ZDHHC21: variants seen among roughly 807,000 people sequenced by gnomAD.
ZDHHC21 encodes the protein palmitoyltransferase ZDHHC21.
A neutral mutation model predicts 34.6 loss-of-function variants in ZDHHC21; 15 were observed. That is an observed-to-expected ratio of 0.43 (90% CI 0.29 to 0.67). The LOEUF (loss-of-function observed/expected upper bound fraction) is 0.67, where lower values mean the gene tolerates loss of function less well. Ranked by LOEUF, ZDHHC21 falls within the 30% of genes least tolerant of loss-of-function variation. The pLI, the probability that ZDHHC21 is intolerant of heterozygous loss-of-function variation, is 0.14. For missense variants in ZDHHC21, 344 were observed against 327.7 expected (o/e 1.05, Z -0.38); for synonymous variants, 142 against 101.8 (o/e 1.40, Z -2.38).
the ZDHHC21 span, among the ~76,000 whole-genome samples, chr9:14,592,761 G>A: frequency 2.0e-5 from 3 of 152,070 alleles, no homozygotes; most frequent in Non-Finnish European, 4.4e-5. Flanking sequence ...TACATCATAT[G>A]CTAATCCATA....
the ZDHHC21 span, among the ~76,000 whole-genome samples, chr9:14,604,756 C>T: frequency 1.3e-4 from 20 of 152,126 alleles, no homozygotes; most frequent in African/African-American, 4.6e-4. Context: ...ATATACAGTA[C>T]GGTACTGTTA....
At chr9:14,659,294 G>C (rs1564323410) in intron 6 of ZDHHC21, among the ~76,000 whole-genome samples, 1 of 152,152 alleles carries the variant, frequency 6.6e-6, no homozygotes, top group Non-Finnish European at 1.5e-5. Context: ...GGGCATTCTA[G>C]CTGTGAAAAG....
At chr9:14,646,734 C>T (rs1431978191) in intron 7 of ZDHHC21, among the ~76,000 whole-genome samples, 3 of 152,130 alleles carry the variant, frequency 2.0e-5, no homozygotes, top group Non-Finnish European at 2.9e-5. Context: ...ACTTAAATAT[C>T]GCCTTATCAG....
intron 7 of ZDHHC21, among the ~76,000 whole-genome samples, chr9:14,651,992 G>C (rs572290940): frequency 6.6e-6 from 1 of 151,598 alleles, no homozygotes; most frequent in African/African-American, 2.4e-5. Context: ...TTTCGAGAGG[G>C]GTTTTAAGTA....
chr9:14,692,928 C>T (rs986654828), intron 1 of ZDHHC21, among the ~76,000 whole-genome samples: 5 of 152,004 alleles, frequency 3.3e-5, no homozygotes, highest in Admixed American at 6.6e-5. Context: ...TAGCCAACAT[C>T]GTCTCGACTA....
Position 14,617,796 on chromosome 9 carries a change from T to G in ZDHHC21, c.*1170A>C, listed in dbSNP as rs183625453. On this transcript the variant is annotated 3_prime_UTR_variant, in exon 10 of 10. Coordinates refer to ENST00000380916, the MANE Select transcript of ZDHHC21 (RefSeq NM_178566.6). ...TATATTTTCTTATTTTAGGTTCACTTCCTAACACTAGCTACTAGTAAAAGG... is the reference window on the plus strand; with the variant it reads ...TATATTTTCTTATTTTAGGTTCACTGCCTAACACTAGCTACTAGTAAAAGG... The G allele has an allele frequency of 6.6e-6, 1 of 152,158 alleles. No individual in the cohort carries two copies. Among genetic ancestry groups the G allele is most frequent in the Admixed American group, 6.6e-5 (1 of 15,266 alleles). 9.4% of individuals were successfully genotyped at this position (152,158 alleles called of 1,614,324 possible). A position where few individuals can be genotyped will look rare whatever the true frequency, so the allele number is the denominator to read the frequency against.
chr9:14,600,808 G>C, the ZDHHC21 span, among the ~76,000 whole-genome samples: 4 of 152,154 alleles, frequency 2.6e-5, no homozygotes, highest in Admixed American at 2.6e-4. Context: ...CAGATATATA[G>C]ACCAATGGAA....
intron 7 of ZDHHC21, among the ~76,000 whole-genome samples, chr9:14,648,130 T>C (rs1443505666): frequency 2.0e-5 from 3 of 152,114 alleles, no homozygotes; most frequent in Non-Finnish European, 4.4e-5. Context: ...CCTTGACGTT[T>C]CGCATTCTAT....
intron 7 of ZDHHC21, among the ~76,000 whole-genome samples, chr9:14,650,517 A>G (rs938815479): frequency 3.3e-5 from 5 of 152,014 alleles, no homozygotes; most frequent in African/African-American, 2.4e-5. Context: ...TAAGAAAATA[A>G]AAGTTATTAT....
the ZDHHC21 span, among the ~76,000 whole-genome samples, chr9:14,597,092 T>C: frequency 2.0e-5 from 3 of 152,016 alleles, no homozygotes; most frequent in Non-Finnish European, 2.9e-5. Flanking sequence ...GAGACTAGTA[T>C]AGGGAAATGC....
intron 8 of ZDHHC21, among the ~76,000 whole-genome samples, chr9:14,632,912 T>C (rs1455191189): frequency 1.3e-5 from 2 of 152,108 alleles, no homozygotes; most frequent in Admixed American, 6.6e-5. Flanking sequence ...AGACAGGTAA[T>C]AACAATTGTC....
chr9:14,692,037 T>C (rs758015370), intron 1 of ZDHHC21, among the ~76,000 whole-genome samples: 2 of 152,216 alleles, frequency 1.3e-5, no homozygotes, highest in African/African-American at 2.4e-5. Flanking sequence ...CTAGTTTTTC[T>C]TTCCACGACA....
intron 7 of ZDHHC21, among the ~76,000 whole-genome samples, chr9:14,646,691 C>T (rs1830329774): frequency 6.6e-6 from 1 of 152,160 alleles, no homozygotes; most frequent in East Asian, 1.9e-4. Context: ...CAGACAACCA[C>T]AAGCATACTC....
At chr9:14,628,892 A>G (rs1826801682) in intron 8 of ZDHHC21, among the ~76,000 whole-genome samples, 1 of 152,192 alleles carries the variant, frequency 6.6e-6, no homozygotes, top group Non-Finnish European at 1.5e-5. Context: ...CTTTTAAATA[A>G]TCAAGCCTCA....
At chr9:14,599,877 T>G in the ZDHHC21 span, among the ~76,000 whole-genome samples, 4 of 152,074 alleles carry the variant, frequency 2.6e-5, no homozygotes, top group South Asian at 6.2e-4. Flanking sequence ...ACATAATCCA[T>G]CATATAAACA....
intron 7 of ZDHHC21, among the ~76,000 whole-genome samples, chr9:14,646,017 C>A (rs1188066521): frequency 6.6e-6 from 1 of 152,026 alleles, no homozygotes; most frequent in Admixed American, 6.6e-5. Context: ...AGGAACATAC[C>A]ACTTAACCTT....
At chr9:14,595,360 A>C in the ZDHHC21 span, among the ~76,000 whole-genome samples, 3 of 152,348 alleles carry the variant, frequency 2.0e-5, no homozygotes, top group East Asian at 5.8e-4. Context: ...ACATGGTACA[A>C]CATAGATAAA....
chr9:14,686,929 T>C (rs10756602), intron 2 of ZDHHC21, among the ~76,000 whole-genome samples: 148,077 of 149,216 alleles, frequency 0.99, 73,559 homozygotes, highest in Middle Eastern at 1. Context: ...GCAGAGACTG[T>C]ACTACAGCAC....
chr9:14,597,277 C>T, the ZDHHC21 span, among the ~76,000 whole-genome samples: 2 of 152,124 alleles, frequency 1.3e-5, no homozygotes, highest in Non-Finnish European at 2.9e-5. Context: ...TGGAGCCCTG[C>T]TGCCATTCCA....
Sources: allele counts gnomAD v4.1 joint callset (sites outside exome capture counted in the v4.1 genomes callset), GRCh38; gene constraint gnomAD v4.1.1; transcripts MANE v1.5; gene names NCBI Gene and HGNC (gene_info 2026-07-23, HGNC 2026-07-21).